BMPR1B: variants seen among roughly 807,000 people sequenced by gnomAD.
BMPR1B encodes the protein bone morphogenetic protein receptor type-1B.
Under a neutral mutation model 59.1 loss-of-function variants are expected in BMPR1B, and 12 were observed. The observed-to-expected ratio is 0.20, with a 90% CI of 0.13 to 0.33. BMPR1B has a LOEUF of 0.33. BMPR1B is among the 10% of genes least tolerant of loss of function. BMPR1B has a pLI of 1.00. For missense variants in BMPR1B, 550 were observed against 610.9 expected, an observed-to-expected ratio of 0.90 and a Z score of 1.05; for synonymous variants, 237 against 207.3, an observed-to-expected ratio of 1.14 and a Z score of -1.23.
intron 1 of BMPR1B, among the ~76,000 whole-genome samples, chr4:94,822,722 A>C (rs1724250471): frequency 6.6e-6 from 1 of 152,172 alleles, no homozygotes; most frequent in Admixed American, 6.5e-5. Context: ...CTTAGCACCC[A>C]GATGACTACT....
intron 1 of BMPR1B, among the ~76,000 whole-genome samples, chr4:94,816,832 A>G (rs937852916): frequency 6.6e-6 from 1 of 152,186 alleles, no homozygotes. Flanking sequence ...AAAGAAAGGC[A>G]CAAGTAATTT....
At chr4:94,993,401 A>G (rs1721867733) in intron 2 of BMPR1B, among the ~76,000 whole-genome samples, 1 of 152,184 alleles carries the variant, frequency 6.6e-6, no homozygotes, top group Non-Finnish European at 1.5e-5. Flanking sequence ...ATTATGGTGC[A>G]TTATCCTGGA....
At chr4:94,860,371 G>C (rs1725931174) in intron 1 of BMPR1B, among the ~76,000 whole-genome samples, 1 of 152,158 alleles carries the variant, frequency 6.6e-6, no homozygotes, top group Non-Finnish European at 1.5e-5. Context: ...ATAGTCATCA[G>C]ATGTTACAGA....
At chr4:94,964,423 A>G (rs1335600165) in intron 2 of BMPR1B, among the ~76,000 whole-genome samples, 28 of 152,138 alleles carry the variant, frequency 1.8e-4, no homozygotes, top group Admixed American at 1.8e-3. Context: ...AAAGGCTTTC[A>G]GTTTCTCCCT....
In BMPR1B at chr4:94,913,203, A is replaced by G. The variant is rs950953127; in HGVS notation, c.-113+37303A>G. On this transcript the variant is annotated intron_variant, in intron 2 of 12. Coordinates refer to ENST00000515059, the MANE Select transcript of BMPR1B (RefSeq NM_001203.3). ...GCAACATATATGTATAGTGTAGCTC[A>G]TAGGTGGAGATTAAGCATATTTTCT... Among the ~76,000 whole-genome samples, 5 of 151,888 alleles carry G rather than the reference A, an allele frequency of 3.3e-5. No individual in the cohort carries two copies. The East Asian group carries it at 7.8e-4, about 24-fold the overall frequency.
chr4:94,959,447 C>T (rs1484389665), intron 2 of BMPR1B, among the ~76,000 whole-genome samples: 1 of 152,120 alleles, frequency 6.6e-6, no homozygotes. Context: ...CCGACCCAGT[C>T]AGGATGGACT....
chr4:94,912,415 A>G (rs868210683), intron 2 of BMPR1B, among the ~76,000 whole-genome samples: 5 of 152,252 alleles, frequency 3.3e-5, no homozygotes, highest in South Asian at 4.1e-4. Flanking sequence ...AAGCTGATAG[A>G]CACTCCACTT....
intron 2 of BMPR1B, among the ~76,000 whole-genome samples, chr4:94,906,851 T>A (rs1164937265): frequency 6.6e-6 from 1 of 152,038 alleles, no homozygotes; most frequent in Non-Finnish European, 1.5e-5. Context: ...CAGTTCCTAA[T>A]GACTATGAAT....
chr4:94,988,557 G>C (rs1030277290), intron 2 of BMPR1B, among the ~76,000 whole-genome samples: 1 of 152,230 alleles, frequency 6.6e-6, no homozygotes, highest in Non-Finnish European at 1.5e-5. Flanking sequence ...CCCATTCTTT[G>C]CTATGGTTTC....
intron 1 of BMPR1B, among the ~76,000 whole-genome samples, chr4:94,826,297 C>T (rs945049967): frequency 2.6e-5 from 4 of 152,124 alleles, no homozygotes; most frequent in Admixed American, 1.3e-4. Context: ...GAAAAGGTCT[C>T]GGGGATATTG....
At chr4:94,829,530 G>A (rs894011473) in intron 1 of BMPR1B, among the ~76,000 whole-genome samples, 1 of 152,080 alleles carries the variant, frequency 6.6e-6, no homozygotes, top group South Asian at 2.1e-4. Flanking sequence ...CTCCCAAGGT[G>A]CCAGGATTAT....
In BMPR1B at chr4:94,864,963, T is replaced by G. The variant is rs779131205; in HGVS notation, c.-182-10868T>G. ...CTTTATAATTTAGAAATGATACACCTGAATGCAATGATATATAGATTTTTA... is the reference window on the plus strand; with the variant it reads ...CTTTATAATTTAGAAATGATACACCGGAATGCAATGATATATAGATTTTTA... On this transcript the variant is annotated intron_variant, in intron 1 of 12. Coordinates refer to ENST00000515059, the MANE Select transcript of BMPR1B (RefSeq NM_001203.3). Among the ~76,000 whole-genome samples, 23 of 152,172 alleles carry G rather than the reference T, an allele frequency of 1.5e-4. 1 individual carries two copies. The highest frequency in any genetic ancestry group is 3.1e-4 in the Non-Finnish European group (21 of 68,026).
At chr4:94,872,427 A>G (rs1289016380) in intron 1 of BMPR1B, among the ~76,000 whole-genome samples, 1 of 152,204 alleles carries the variant, frequency 6.6e-6, no homozygotes, top group Non-Finnish European at 1.5e-5. Flanking sequence ...GATTGCAAGT[A>G]TTTGTTTGAA....
intron 3 of BMPR1B, among the ~76,000 whole-genome samples, chr4:95,051,958 CTG>C (rs1316035206): frequency 2.0e-5 from 3 of 152,134 alleles, no homozygotes; most frequent in Non-Finnish European, 4.4e-5. Context: ...TCTAAGTACT[CTG>C]TTAGAATAAT....
chr4:94,847,703 A>G (rs549073645), intron 1 of BMPR1B, among the ~76,000 whole-genome samples: 1 of 152,260 alleles, frequency 6.6e-6, no homozygotes, highest in Admixed American at 6.5e-5. Flanking sequence ...CAAACTTTGC[A>G]TGTTCTTGTT....
intron 1 of BMPR1B, among the ~76,000 whole-genome samples, chr4:94,770,520 T>C (rs1722147552): frequency 6.6e-6 from 1 of 152,132 alleles, no homozygotes; most frequent in South Asian, 2.1e-4. Context: ...GTAAATCTCA[T>C]AAAGTTTTGG....
chr4:95,069,448 G>A (rs77524728), intron 3 of BMPR1B, among the ~76,000 whole-genome samples: 98 of 152,266 alleles, frequency 6.4e-4, no homozygotes, highest in Non-Finnish European at 1.2e-3. Context: ...GCTCTTGCTC[G>A]ACACTCCTGT....
chr4:95,039,341 T>C (rs1346204929), intron 3 of BMPR1B, among the ~76,000 whole-genome samples: 1 of 152,096 alleles, frequency 6.6e-6, no homozygotes, highest in Non-Finnish European at 1.5e-5. Flanking sequence ...TAGGTTTCAC[T>C]AAAGCTAAAG....
intron 3 of BMPR1B, among the ~76,000 whole-genome samples, chr4:95,059,140 A>T (rs933878651): frequency 6.6e-6 from 1 of 152,164 alleles, no homozygotes; most frequent in Non-Finnish European, 1.5e-5. Flanking sequence ...TAGCCTCTGA[A>T]TTCAGCTGAA....
Sources: allele counts gnomAD v4.1 joint callset (sites outside exome capture counted in the v4.1 genomes callset), GRCh38; gene constraint gnomAD v4.1.1; transcripts MANE v1.5; gene names NCBI Gene and HGNC (gene_info 2026-07-23, HGNC 2026-07-21).